The following DGCR2 variants were observed in gnomAD, a reference collection of about 807,000 sequenced individuals.
DGCR2 encodes the protein DiGeorge syndrome critical region gene 2.
A neutral mutation model predicts 51.6 loss-of-function variants in DGCR2; 24 were observed. The observed-to-expected ratio is 0.47, with a 90% CI of 0.34 to 0.65. DGCR2 has a LOEUF of 0.65. Ranked by LOEUF, DGCR2 falls within the 30% of genes least tolerant of loss-of-function variation. The pLI is 0.01. For missense variants in DGCR2, 765 were observed against 772.1 expected (o/e 0.99, Z 0.11); for synonymous variants, 340 against 315.4 (o/e 1.08, Z -0.82).
intron 2 of DGCR2, among the ~76,000 whole-genome samples, chr22:19,078,012 C>T (rs1043559091): frequency 2.4e-4 from 37 of 152,010 alleles, no homozygotes; most frequent in Admixed American, 2.2e-3. Flanking sequence ...TATTTTTCAC[C>T]AAGACAAGGT....
chr22:19,067,297 A>G (rs1337170200), intron 3 of DGCR2, among the ~76,000 whole-genome samples: 1 of 152,204 alleles, frequency 6.6e-6, no homozygotes, highest in Non-Finnish European at 1.5e-5. Context: ...GGGCCATTTC[A>G]GTGGTGGCTT....
chr22:19,085,277 T>C (rs2083002515), intron 2 of DGCR2, among the ~76,000 whole-genome samples: 1 of 152,184 alleles, frequency 6.6e-6, no homozygotes, highest in Non-Finnish European at 1.5e-5. Context: ...CCCACAGTCA[T>C]TGTCAAGAGT....
At position 19,041,146 on chromosome 22, in the gene DGCR2, G is replaced by A; in HGVS notation, c.1308C>T (p.Tyr436=). ...FHDPPPPYTA[Y]KYPDIGQPDD... is the part of the protein sequence containing the mutation. ...CGGGCTGGCCGATGTCCGGGTACTT[G>A]TATGCCGTGTAGGGAGGTGGAGGGT... Residue 436 remains tyrosine, a synonymous_variant, in exon 9 of 10, where the codon TAC becomes TAT. Transcript: ENST00000263196. The A allele has an allele frequency of 6.2e-7, 1 of 1,614,066 alleles. No homozygotes were observed. The highest frequency in any genetic ancestry group is 8.5e-7 in the Non-Finnish European group (1 of 1,179,976).
chr22:19,075,877 C>T lies in DGCR2; in HGVS notation c.203-7652G>A, dbSNP rs1461772458. 3.9e-5 allele frequency among the ~76,000 whole-genome samples: 6 copies of T among 152,206 alleles called. No homozygotes were observed. The South Asian group carries it at 8.3e-4, about 21-fold the overall frequency. ...CACCTTTTGGCTACTATGAGTAATG[C>T]TGCTATGAACTTGGGTGTACAAATC... is the stretch of plus-strand genomic sequence containing the variant. On this transcript the variant is annotated intron_variant, in intron 2 of 9. Coordinates refer to ENST00000263196, the MANE Select transcript of DGCR2 (RefSeq NM_005137.3).
At chr22:19,059,588 C>T (rs1011264172) in intron 5 of DGCR2, among the ~76,000 whole-genome samples, 1 of 152,116 alleles carries the variant, frequency 6.6e-6, no homozygotes, top group Non-Finnish European at 1.5e-5. Flanking sequence ...TCTCAAGCCT[C>T]CCTCCAAGAC....
chr22:19,102,688 C>A (rs1015445486), intron 1 of DGCR2, among the ~76,000 whole-genome samples: 1 of 150,584 alleles, frequency 6.6e-6, no homozygotes, highest in Non-Finnish European at 1.5e-5. Context: ...GGTGACAGAG[C>A]GAGACTCCGT....
intron 6 of DGCR2, among the ~76,000 whole-genome samples, chr22:19,049,663 C>T (rs1203884095): frequency 6.6e-6 from 1 of 152,014 alleles, no homozygotes; most frequent in Non-Finnish European, 1.5e-5. Flanking sequence ...CCTGTCTCCA[C>T]TAAAAATACA....
intron 2 of DGCR2, among the ~76,000 whole-genome samples, chr22:19,078,313 C>T (rs901329209): frequency 1.3e-5 from 2 of 152,110 alleles, no homozygotes; most frequent in Non-Finnish European, 2.9e-5. Context: ...GTATTTTATT[C>T]TTTGTACTAT....
Position 19,103,699 on chromosome 22 carries a change from A to AT in DGCR2, c.80-14210dup, listed in dbSNP as rs1192806055. On this transcript the variant is annotated intron_variant, in intron 1 of 9. Coordinates refer to ENST00000263196, the MANE Select transcript of DGCR2 (RefSeq NM_005137.3). ...TGCCTCGGCCTCCTAAAGTGTTGGG[A>AT]TTACAGGCGTGAGCCACCGTGCCCG... Among the ~76,000 whole-genome samples, 9 of 141,190 alleles carry AT rather than the reference A, an allele frequency of 6.4e-5. No homozygotes were observed. In the East Asian group the frequency reaches 2.0e-3, roughly 31 times the overall value. 92.6% of individuals were successfully genotyped at this position (141,190 alleles called of 152,430 possible). A position where few individuals can be genotyped will look rare whatever the true frequency, so the allele number is the denominator to read the frequency against.
At chr22:19,041,324 A>C in intron 8 of DGCR2, 30 bp from the exon 9 acceptor site, 1 of 1,605,756 alleles carries the variant, frequency 6.2e-7, no homozygotes, top group Non-Finnish European at 8.5e-7. Context: ...CAACGGGAAC[A>C]GAGACAAGTC....
intron 2 of DGCR2, among the ~76,000 whole-genome samples, chr22:19,079,311 A>G (rs1348142539): frequency 1.3e-5 from 2 of 152,198 alleles, no homozygotes; most frequent in African/African-American, 4.8e-5. Flanking sequence ...AAAAAAATCC[A>G]AAATCCAAAA....
chr22:19,062,696 G>T, intron 5 of DGCR2, among the ~76,000 whole-genome samples: 1 of 151,546 alleles, frequency 6.6e-6, no homozygotes, highest in Non-Finnish European at 1.5e-5. Flanking sequence ...AAAGGAAACA[G>T]CAGCCATGTT....
At chr22:19,065,538 A>C (rs1171682392) in intron 3 of DGCR2, among the ~76,000 whole-genome samples, 1 of 152,234 alleles carries the variant, frequency 6.6e-6, no homozygotes, top group Admixed American at 6.5e-5. Flanking sequence ...ACAGCAGCTC[A>C]AAGGATAACA....
intron 2 of DGCR2, among the ~76,000 whole-genome samples, chr22:19,084,819 C>T (rs1345011634): frequency 1.3e-5 from 2 of 150,700 alleles, no homozygotes; most frequent in African/African-American, 2.4e-5. Flanking sequence ...GGGGGGGCGC[C>T]TCCGCCCGGC....
chr22:19,066,259 G>C (rs573311033), intron 3 of DGCR2, among the ~76,000 whole-genome samples: 8 of 152,276 alleles, frequency 5.3e-5, no homozygotes, highest in Admixed American at 5.2e-4. Flanking sequence ...GAATTAGCCA[G>C]GTGTGGTGGG....
intron 2 of DGCR2, among the ~76,000 whole-genome samples, chr22:19,083,515 GAAC>G (rs1324006274): frequency 6.6e-6 from 1 of 152,152 alleles, no homozygotes; most frequent in Non-Finnish European, 1.5e-5. Context: ...TGAATCCACA[GAAC>G]AATATGAGTT....
chr22:19,116,798 G>C (rs980549517), intron 1 of DGCR2, among the ~76,000 whole-genome samples: 2 of 152,044 alleles, frequency 1.3e-5, no homozygotes, highest in African/African-American at 4.8e-5. Flanking sequence ...GCCTGTCAAA[G>C]GCTCAGGTCC....
intron 1 of DGCR2, among the ~76,000 whole-genome samples, chr22:19,096,366 A>C (rs1403148018): frequency 6.6e-6 from 1 of 152,204 alleles, no homozygotes; most frequent in East Asian, 1.9e-4. Context: ...GGTGAGAAAA[A>C]GAGGTTGGTT....
intron 1 of DGCR2, among the ~76,000 whole-genome samples, chr22:19,109,794 A>T (rs1569088549): frequency 6.6e-6 from 1 of 152,242 alleles, no homozygotes; most frequent in Admixed American, 6.5e-5. Flanking sequence ...ATTAAAAAAA[A>T]ACTGCGGTAG....
Sources: allele counts gnomAD v4.1 joint callset (sites outside exome capture counted in the v4.1 genomes callset), GRCh38; gene constraint gnomAD v4.1.1; transcripts MANE v1.5; gene names NCBI Gene and HGNC (gene_info 2026-07-23, HGNC 2026-07-21).